ALG8: variants seen among roughly 807,000 people sequenced by gnomAD.
ALG8 encodes dolichyl pyrophosphate Glc1Man9GlcNAc2 alpha-1,3-glucosyltransferase.
In ALG8, 48 loss-of-function variants were observed where a neutral mutation model predicts 70.2. The observed-to-expected ratio is 0.68, with a 90% confidence interval of 0.54 to 0.87. ALG8 has a LOEUF of 0.87. Among genes scored for constraint, ALG8 ranks in the 40% least tolerant of loss-of-function variants. The pLI, the probability that ALG8 is intolerant of heterozygous loss-of-function variation, is 0.00. For missense variants in ALG8, 572 were observed against 608.7 expected (o/e 0.94, Z 0.64); for synonymous variants, 234 against 229.0 (o/e 1.02, Z -0.20).
chr11:78,132,252 A>G (rs953720058), intron 1 of ALG8, among the ~76,000 whole-genome samples: 3 of 152,116 alleles, frequency 2.0e-5, no homozygotes, highest in Admixed American at 6.6e-5. Flanking sequence ...GTTAGTTGTT[A>G]TTTTCTCTGC....
chr11:78,115,170 C>T (rs1276557395), intron 5 of ALG8, among the ~76,000 whole-genome samples: 2 of 151,440 alleles, frequency 1.3e-5, no homozygotes, highest in East Asian at 2.0e-4. Flanking sequence ...GTAGCTGGGA[C>T]TACAGGCGTG....
intron 10 of ALG8, among the ~76,000 whole-genome samples, chr11:78,105,890 G>A (rs1450664890): frequency 6.6e-6 from 1 of 151,556 alleles, no homozygotes; most frequent in African/African-American, 2.4e-5. Flanking sequence ...TGTATTTTTA[G>A]TAGAGATGGG....
Position 78,139,608 on chromosome 11 carries a change from T to G in ALG8, c.-20A>C. ...CGCCATTGCTGCGGCACCGCACGCTTCCCACCAACTTGATCCACATCCGGG... is the reference window on the plus strand; with the variant it reads ...CGCCATTGCTGCGGCACCGCACGCTGCCCACCAACTTGATCCACATCCGGG... On this transcript the variant is annotated 5_prime_UTR_variant, in exon 1 of 13. Transcript: ENST00000299626. The G allele has an allele frequency of 1.9e-6, 3 of 1,551,106 alleles. No individual in the cohort carries two copies. The highest frequency in any genetic ancestry group is 2.6e-6 in the Non-Finnish European group (3 of 1,146,440).
chr11:78,106,140 C>T (rs949985315), intron 10 of ALG8, among the ~76,000 whole-genome samples: 1 of 152,160 alleles, frequency 6.6e-6, no homozygotes, highest in Non-Finnish European at 1.5e-5. Context: ...ACTAACAACA[C>T]TTAACAAGGA....
At chr11:78,101,689 C>T (rs1276955503) in intron 12 of ALG8, among the ~76,000 whole-genome samples, 2 of 152,060 alleles carry the variant, frequency 1.3e-5, no homozygotes, top group African/African-American at 2.4e-5. Context: ...GTTATATTAT[C>T]TCAACAATCT....
rs1369283104 is a variant in ALG8, at chr11:78,118,634, AAAAC to A, written c.546+544_546+547del. 5.4e-5 allele frequency among the ~76,000 whole-genome samples: 8 copies of A among 147,984 alleles called. No individual in the cohort carries two copies. In the East Asian group the frequency reaches 7.8e-4, roughly 14 times the overall value. On this transcript the variant is annotated intron_variant, in intron 5 of 12. Transcript: ENST00000299626. The stretch of plus-strand genomic sequence containing the variant: ...CATTCTCAAAAAAAAAAAAAAAAAA[AAAAC>A]AAAAGCAAAGAAAATGTAATTTAGG...
chr11:78,109,176 G>A lies in ALG8; in HGVS notation c.1038+266C>T, dbSNP rs554282985. On this transcript the variant is annotated intron_variant, in intron 9 of 12. Coordinates refer to ENST00000299626, the MANE Select transcript of ALG8 (RefSeq NM_024079.5). The stretch of plus-strand genomic sequence containing the variant: ...GCATGATCCATGCCTCTTCCTCTCT[G>A]GGCTTTTCTTTTTCCCTTCCCCCGG... 2.0e-5 allele frequency among the ~76,000 whole-genome samples: 3 copies of A among 152,196 alleles called. No homozygotes were observed. The East Asian group carries it at 5.8e-4, about 29-fold the overall frequency.
At chr11:78,130,014 A>T (rs630679) in intron 1 of ALG8, among the ~76,000 whole-genome samples, 33,027 of 151,972 alleles carry the variant, frequency 0.22, 4,428 homozygotes, top group African/African-American at 0.38. Context: ...AAAAAAACCC[A>T]AACAAAAATT....
chr11:78,118,370 C>T (rs967034902), intron 5 of ALG8, among the ~76,000 whole-genome samples: 2 of 151,952 alleles, frequency 1.3e-5, no homozygotes, highest in Non-Finnish European at 2.9e-5. Flanking sequence ...AATCCCAGCA[C>T]TTTGGGAGGC....
chr11:78,119,418 TTTTTTTTTAA>T lies in ALG8; in HGVS notation c.479-179_479-170del, dbSNP rs781262615. Among the ~76,000 whole-genome samples, 1,466 of 136,478 alleles carry T rather than the reference TTTTTTTTTAA, an allele frequency of 0.011. 36 individuals are homozygous for T. Among genetic ancestry groups the T allele is most frequent in the African/African-American group, 0.043 (1,335 of 30,988 alleles). The allele number at this position is 136,478 out of a possible 152,430, so 89.5% of individuals were successfully genotyped here. On this transcript the variant is annotated intron_variant, in intron 4 of 12. Coordinates refer to ENST00000299626, the MANE Select transcript of ALG8 (RefSeq NM_024079.5). The stretch of plus-strand genomic sequence containing the variant: ...ATGTTTTCTATAAACAGATTCAAAT[TTTTTTTTTAA>T]TTTTTTTTTTTTTTTTTTGAGATGG...
Position 78,119,386 on chromosome 11 carries a change from C to T in ALG8, c.479-137G>A, listed in dbSNP as rs1860718371. On this transcript the variant is annotated intron_variant, in intron 4 of 12. Coordinates refer to ENST00000299626, the MANE Select transcript of ALG8 (RefSeq NM_024079.5). ...AATACTACTACTAATGTGGACTGCT[C>T]ATAAATATGTTTTCTATAAACAGAT... 1.3e-5 allele frequency: 8 copies of T among 615,268 alleles called. No individual in the cohort carries two copies. In the East Asian group the frequency reaches 2.5e-4, roughly 19 times the overall value. 38.1% of individuals were successfully genotyped at this position (615,268 alleles called of 1,614,324 possible).
chr11:78,123,976 A>G (rs1565357466), intron 3 of ALG8, 45 bp downstream of exon 3: 1 of 1,603,368 alleles, frequency 6.2e-7, no homozygotes, highest in Non-Finnish European at 8.5e-7. Context: ...ACACTGTACT[A>G]TTTTTTCAAT....
intron 1 of ALG8, among the ~76,000 whole-genome samples, chr11:78,134,538 T>C (rs1231732093): frequency 1.3e-5 from 2 of 152,248 alleles, no homozygotes; most frequent in African/African-American, 2.4e-5. Context: ...TGCTGTTTGA[T>C]AGGATTTTAC....
chr11:78,101,109 G>A lies in ALG8; in HGVS notation c.1436C>T (p.Pro479Leu), dbSNP rs199589882. 7 of 1,614,228 alleles carry A rather than the reference G, an allele frequency of 4.3e-6. No homozygotes were observed. The Admixed American group carries it at 1.0e-4, about 23-fold the overall frequency. ...GTACTTCACCTTCCAGGAGGTGAAA[G>A]GGAATACAAATTCACAGCAGACTTC... Reference protein sequence around the residue: ...PLEVCCEFVFPFTSWKVKYPF... With the variant: ...PLEVCCEFVFLFTSWKVKYPF... Residue 479 changes from proline to leucine, a missense_variant, in exon 13 of 13, where the codon CCT (proline) becomes CTT (leucine). Physicochemically the swap from Pro to Leu is moderately conservative, Grantham distance 98. Transcript: ENST00000299626.
At chr11:78,125,661 C>T (rs1231843108) in intron 2 of ALG8, among the ~76,000 whole-genome samples, 1 of 151,568 alleles carries the variant, frequency 6.6e-6, no homozygotes, top group East Asian at 1.9e-4. Context: ...CCTGTAATCC[C>T]AGCTACTCAG....
Position 78,101,023 on chromosome 11 carries a change from A to T in ALG8, c.1522T>A (p.Phe508Ile). ...YCAVGITYAW[F>I]KLYVSVLIDS... is the part of the protein sequence containing the mutation. ...ATCAATACTGAAACATACAGTTTGA[A>T]CCAAGCATATGTGATGCCTACTGCA... The change falls in exon 13 of 13, where the codon TTC becomes ATC. Residue 508 changes from phenylalanine to isoleucine, a missense_variant. Coordinates refer to ENST00000299626, the MANE Select transcript of ALG8 (RefSeq NM_024079.5). 6.2e-7 allele frequency: 1 copy of T among 1,614,220 alleles called. No homozygotes were observed. The highest frequency in any genetic ancestry group is 8.5e-7 in the Non-Finnish European group (1 of 1,180,036).
rs750026741 is a variant in ALG8, at chr11:78,119,237, T to C, written c.491A>G (p.Gln164Arg). Reference protein sequence around the residue: ...GLLIVDHIHFQYNGFLFGLML... With the variant: ...GLLIVDHIHFRYNGFLFGLML... ...TAATCCAAATAAAAAGCCATTGTAC[T>C]GAAAATGAATATCTGGACTTAGGTC... is the stretch of plus-strand genomic sequence containing the variant. The change falls in exon 5 of 13, where the codon CAG (glutamine) becomes CGG (arginine). Residue 164 changes from glutamine (Q) to arginine (R), a missense_variant. Transcript: ENST00000299626. The C allele has an allele frequency of 5.6e-6, 9 of 1,610,976 alleles. No homozygotes were observed. The highest frequency in any genetic ancestry group is 1.1e-5 in the South Asian group (1 of 91,018).
chr11:78,129,718 A>G (rs1223119938), intron 1 of ALG8, among the ~76,000 whole-genome samples: 2 of 152,228 alleles, frequency 1.3e-5, no homozygotes, highest in Admixed American at 6.5e-5. Context: ...ATCACTCTGA[A>G]GGCCAGTGAA....
At chr11:78,138,720 C>G (rs1452164973) in intron 1 of ALG8, 1 of 456,220 alleles carries the variant, frequency 2.2e-6, no homozygotes, top group Non-Finnish European at 4.4e-6. Context: ...TGTATACACA[C>G]CACCATTTCA....
Sources: gnomAD v4.1 joint callset for allele counts (sites outside exome capture counted in the v4.1 genomes callset) on GRCh38, gnomAD v4.1.1 for gene constraint, MANE v1.5 for transcripts, NCBI Gene and HGNC (gene_info 2026-07-23, HGNC 2026-07-21) for gene names.